AMOTL2: variants seen among roughly 807,000 people sequenced by gnomAD.
AMOTL2 encodes angiomotin like 2, also known as angiomotin-like protein 2.
Under a neutral mutation model 78.4 loss-of-function variants are expected in AMOTL2, and 33 were observed. The observed-to-expected ratio is 0.42, with a 90% CI of 0.32 to 0.56. The LOEUF is 0.56. AMOTL2 is among the 20% of genes least tolerant of loss of function. The pLI is 0.12. For synonymous variants in AMOTL2, 422 were observed against 428.8 expected (o/e 0.98, Z 0.20); for missense variants, 983 against 1,030.1 (o/e 0.95, Z 0.63).
intron 2 of AMOTL2, 140 bp from the exon 3 acceptor site, chr3:134,367,943 C>A: frequency 1.5e-6 from 1 of 681,498 alleles, no homozygotes; most frequent in Non-Finnish European, 2.4e-6. Flanking sequence ...ATTAAAATTA[C>A]TGCAGATAAT....
intron 2 of AMOTL2, among the ~76,000 whole-genome samples, chr3:134,368,669 C>T (rs1003253959): frequency 6.6e-6 from 1 of 152,272 alleles, no homozygotes; most frequent in East Asian, 1.9e-4. Flanking sequence ...ATAATGGTGG[C>T]CCATCCTCCA....
intron 1 of AMOTL2, chr3:134,373,602 C>G: frequency 1.0e-6 from 1 of 985,512 alleles, no homozygotes; most frequent in South Asian, 4.7e-5. Flanking sequence ...CTCCTGCTCG[C>G]CTAAGGAACC....
At chr3:134,374,952 G>A, upstream of AMOTL2, 2 of 1,349,498 alleles carry the variant, frequency 1.5e-6, no homozygotes, top group Non-Finnish European at 1.9e-6. Context: ...GGGGGAGGTG[G>A]GAAAGGGAGG....
In AMOTL2 at chr3:134,357,606, G is replaced by A; in HGVS notation, c.*99C>T. 8.1e-7 allele frequency: 1 copy of A among 1,235,252 alleles called. No homozygotes were observed. The highest frequency in any genetic ancestry group is 1.2e-5 in the South Asian group (1 of 82,340). The allele number at this position is 1,235,252 out of a possible 1,614,324, so 76.5% of individuals were successfully genotyped here. The stretch of plus-strand genomic sequence containing the variant: ...GGGAATGAGTGTCTGGCTGGGGAAA[G>A]GGACGGAGCAGCGGTTGACGGGGCT... On this transcript the variant is annotated 3_prime_UTR_variant, in exon 10 of 10. Coordinates refer to ENST00000249883, the MANE Select transcript of AMOTL2 (RefSeq NM_016201.4).
chr3:134,374,347 C>A lies in AMOTL2; in HGVS notation c.-67G>T. On this transcript the variant is annotated 5_prime_UTR_variant, in exon 1 of 10. Coordinates refer to ENST00000249883, the MANE Select transcript of AMOTL2 (RefSeq NM_016201.4). Reference sequence around the variant, plus strand: ...CGCCGAGCGGCCTTCCTTACCGCTGCGGCCCGAGGGTGCCCAGCGCAGTCA... The same window carrying A: ...CGCCGAGCGGCCTTCCTTACCGCTGAGGCCCGAGGGTGCCCAGCGCAGTCA... The A allele has an allele frequency of 1.0e-6, 1 of 983,164 alleles. No homozygotes were observed. The allele number at this position is 983,164 out of a possible 1,614,324, so 60.9% of individuals were successfully genotyped here.
intron 5 of AMOTL2, 72 bp from the exon 6 acceptor site, chr3:134,361,879 G>T: frequency 7.6e-7 from 1 of 1,316,354 alleles, no homozygotes. Flanking sequence ...TGGGCTCAGT[G>T]CTGACCACTG....
At chr3:134,369,265 G>T (rs769497968) in intron 2 of AMOTL2, among the ~76,000 whole-genome samples, 4 of 152,156 alleles carry the variant, frequency 2.6e-5, no homozygotes, top group African/African-American at 9.7e-5. Flanking sequence ...CCATTCTCAA[G>T]GTTGCTTCAA....
intron 3 of AMOTL2, 54 bp downstream of exon 3, chr3:134,367,443 A>C (rs1439096913): frequency 1.3e-5 from 21 of 1,580,250 alleles, no homozygotes; most frequent in Non-Finnish European, 1.7e-5. Context: ...CTCCCCAGGT[A>C]GCCCCTCGGG....
At position 134,360,167 on chromosome 3, in the gene AMOTL2, T is replaced by G; in HGVS notation, c.1822A>C (p.Ser608Arg). 6.2e-7 allele frequency: 1 copy of G among 1,614,002 alleles called. No homozygotes were observed. The highest frequency in any genetic ancestry group is 8.5e-7 in the Non-Finnish European group (1 of 1,179,908). ...AGCAGACCCTCATTGAAGCTGCTGC[T>G]GGGTGAGGGCTGGGGGGAATGTCGG... ...LIRHSPQPSPSSSFNEGLLTG... is the reference protein window; with the variant it reads ...LIRHSPQPSPRSSFNEGLLTG... Residue 608 changes from serine to arginine, a missense_variant, in exon 7 of 10, where the codon AGC becomes CGC. By Grantham distance (110) the Ser-to-Arg change is moderately radical. Transcript: ENST00000249883.
upstream of AMOTL2, chr3:134,375,090 C>A: frequency 6.7e-7 from 1 of 1,488,820 alleles, no homozygotes; most frequent in Non-Finnish European, 8.9e-7. Context: ...CCTTTGAATG[C>A]ACTTTTGTTT....
At chr3:134,359,242 A>C (rs951085674) in intron 8 of AMOTL2, 41 bp downstream of exon 8, 3 of 1,603,086 alleles carry the variant, frequency 1.9e-6, no homozygotes, top group Non-Finnish European at 2.6e-6. Context: ...GGCCCAGGAG[A>C]AATTACCTCT....
chr3:134,364,872 A>G (rs2017536492), intron 5 of AMOTL2, among the ~76,000 whole-genome samples: 1 of 152,070 alleles, frequency 6.6e-6, no homozygotes, highest in Non-Finnish European at 1.5e-5. Flanking sequence ...AACAGCACTA[A>G]AGCTCCTAGT....
In AMOTL2 at chr3:134,358,658, G is replaced by C; in HGVS notation, c.2166C>G (p.His722Gln). Residue 722 changes from histidine (H) to glutamine (Q), a missense_variant, in exon 9 of 10, where the codon CAC (histidine) becomes CAG (glutamine). Transcript: ENST00000249883. ...VTAPPAAHAK[H>Q]GSRDGSTQTE... ...TCTGGGTGCTCCCATCTCTGCTCCC[G>C]TGTTTGGCATGGGCAGCAGGGGGAG... 1 of 1,613,780 alleles carries C rather than the reference G, an allele frequency of 6.2e-7. No homozygotes were observed. The highest frequency in any genetic ancestry group is 1.3e-5 in the African/African-American group (1 of 75,040).
At chr3:134,374,689 G>C (rs1339953890), upstream of AMOTL2, 2 of 980,518 alleles carry the variant, frequency 2.0e-6, no homozygotes, top group Non-Finnish European at 2.4e-6. Flanking sequence ...CCGTTCCTCC[G>C]CGCCCAGCGC....
intron 5 of AMOTL2, 100 bp from the exon 6 acceptor site, chr3:134,361,907 C>A: frequency 1.9e-6 from 2 of 1,028,074 alleles, no homozygotes; most frequent in Non-Finnish European, 2.8e-6. Context: ...ACAGTTGCTT[C>A]TCATTCTCTC....
rs572113059 is a variant in AMOTL2 at position 134,355,831 on chromosome 3, C to T, written c.*1874G>A. ...TGGGTGGCCCCCCAAAATCCTCACCCTTTCCCTTCCCTCAGTGCAAAGTCT... is the reference window on the plus strand; with the variant it reads ...TGGGTGGCCCCCCAAAATCCTCACCTTTTCCCTTCCCTCAGTGCAAAGTCT... On this transcript the variant is annotated 3_prime_UTR_variant, in exon 10 of 10. Transcript: ENST00000249883. 1 of 152,816 alleles carries T rather than the reference C, an allele frequency of 6.5e-6. No homozygotes were observed. Among genetic ancestry groups the T allele is most frequent in the South Asian group, 2.1e-4 (1 of 4,832 alleles). 9.5% of individuals were successfully genotyped at this position (152,816 alleles called of 1,614,324 possible). A position where few individuals can be genotyped will look rare whatever the true frequency, so the allele number is the denominator to read the frequency against.
intron 2 of AMOTL2, among the ~76,000 whole-genome samples, chr3:134,370,135 G>A (rs572810787): frequency 6.6e-6 from 1 of 152,322 alleles, no homozygotes; most frequent in Admixed American, 6.5e-5. Flanking sequence ...CCCACTGCAG[G>A]CTGCAGACGC....
rs1341487839 is a variant in AMOTL2, at chr3:134,371,003, T to TCCTGCC, written c.425_430dup (p.Gln143_Asp144insGlyGln). On this transcript the variant is annotated inframe_insertion, in exon 2 of 10. Transcript: ENST00000249883. ...ATGCCTCAGCTCCCGCAGGGCCTCG[T>TCCTGCC]CCTGCCTCCGACTGCCTCCCGGGGC... The TCCTGCC allele has an allele frequency of 1.2e-5, 20 of 1,603,416 alleles. No homozygotes were observed. Among genetic ancestry groups the TCCTGCC allele is most frequent in the Non-Finnish European group, 1.4e-5 (17 of 1,175,070 alleles).
Position 134,358,598 on chromosome 3 carries a change from C to T in AMOTL2, c.2226G>A (p.Leu742=), listed in dbSNP as rs2017185615. 8 of 1,614,148 alleles carry T rather than the reference C, an allele frequency of 5.0e-6. No individual in the cohort carries two copies. Among genetic ancestry groups the T allele is most frequent in the Non-Finnish European group, 6.8e-6 (8 of 1,180,022 alleles). The change falls in exon 9 of 10, where the codon CTG becomes CTA. Residue 742 remains leucine, a synonymous_variant. Coordinates refer to ENST00000249883, the MANE Select transcript of AMOTL2 (RefSeq NM_016201.4). ...EGPPDSTSTC[L]PPEPDSLLGC... ...CCAGAAGGCTGTCAGGCTCCGGTGG[C>T]AGGCAGGTGGAGGTGCTGTCTGGGG...
Sources: gnomAD v4.1 joint callset for allele counts (sites outside exome capture counted in the v4.1 genomes callset) on GRCh38, gnomAD v4.1.1 for gene constraint, MANE v1.5 for transcripts, NCBI Gene and HGNC (gene_info 2026-07-23, HGNC 2026-07-21) for gene names.